The following FSD1L variants were observed in gnomAD, a reference collection of about 807,000 sequenced individuals.
The protein encoded by FSD1L is fibronectin type III and SPRY domain containing 1 like.
A neutral mutation model predicts 71.6 loss-of-function variants in FSD1L; 45 were observed. The observed-to-expected ratio is 0.63, with a 90% CI of 0.49 to 0.81. FSD1L has a LOEUF of 0.81. FSD1L is among the 30% of genes least tolerant of loss of function. FSD1L has a pLI of 0.00. For synonymous variants in FSD1L, 197 were observed against 207.2 expected, an observed-to-expected ratio of 0.95 and a Z score of 0.42; for missense variants, 561 against 618.1, an observed-to-expected ratio of 0.91 and a Z score of 0.98.
chr9:105,444,944 C>G (rs1276458504), upstream of FSD1L, among the ~76,000 whole-genome samples: 2 of 152,218 alleles, frequency 1.3e-5, no homozygotes, highest in African/African-American at 4.8e-5. Context: ...ACAATTTGTA[C>G]TTCATAGAAG....
chr9:105,533,416 C>CTTTTTTTTTTTTTT (rs754896606), intron 10 of FSD1L, among the ~76,000 whole-genome samples: 3,757 of 29,014 alleles, frequency 0.13, 1,524 homozygotes, highest in Non-Finnish European at 0.17. Flanking sequence ...CCATTTCCAT[C>CTTTTTTTTTTTTTT]TTTTTTTTTT....
upstream of FSD1L, among the ~76,000 whole-genome samples, chr9:105,444,173 G>C (rs1421045913): frequency 6.6e-6 from 1 of 152,184 alleles, no homozygotes; most frequent in Non-Finnish European, 1.5e-5. Flanking sequence ...CTGTGCAAGG[G>C]TAAAACAGAA....
intron 7 of FSD1L, among the ~76,000 whole-genome samples, chr9:105,501,929 G>A (rs1479756556): frequency 1.3e-5 from 2 of 151,978 alleles, no homozygotes; most frequent in African/African-American, 4.8e-5. Flanking sequence ...ATCCCTTTGT[G>A]TTAGTTTTGT....
At chr9:105,475,103 T>C (rs989559214) in intron 5 of FSD1L, among the ~76,000 whole-genome samples, 1 of 152,194 alleles carries the variant, frequency 6.6e-6, no homozygotes, top group Non-Finnish European at 1.5e-5. Context: ...TTGGATCCTT[T>C]ACCAAAATTA....
chr9:105,525,642 C>T, intron 10 of FSD1L: 1 of 1,612,002 alleles, frequency 6.2e-7, no homozygotes, highest in Admixed American at 1.7e-5. Flanking sequence ...AACTTAGGAA[C>T]TTGGATTCAA....
At chr9:105,474,098 T>C (rs148701086) in intron 5 of FSD1L, among the ~76,000 whole-genome samples, 71 of 152,290 alleles carry the variant, frequency 4.7e-4, no homozygotes, top group South Asian at 3.5e-3. Context: ...AGTTTCATCA[T>C]TGTGGGAACA....
At chr9:105,516,987 C>T (rs1009505590) in intron 10 of FSD1L, among the ~76,000 whole-genome samples, 3 of 151,964 alleles carry the variant, frequency 2.0e-5, no homozygotes, top group African/African-American at 4.8e-5. Context: ...ATAAATGACC[C>T]GATGGAGCTG....
chr9:105,491,453 A>G (rs970043884), intron 7 of FSD1L, among the ~76,000 whole-genome samples: 19 of 152,146 alleles, frequency 1.2e-4, no homozygotes, highest in African/African-American at 4.6e-4. Flanking sequence ...AACAGGGACA[A>G]TTTGACTTCC....
At position 105,472,179 on chromosome 9, in the gene FSD1L, A is replaced by T. The variant is rs1831521321; in HGVS notation, c.441+174A>T. On this transcript the variant is annotated intron_variant, in intron 5 of 13. Coordinates refer to ENST00000481272, the MANE Select transcript of FSD1L (RefSeq NM_001145313.3). ...ATTTATTCCAAAGCAAACACTTAGA[A>T]GTGTGTGTCTTTAGGGTCATCAACA... The T allele has an allele frequency of 6.8e-6, 5 of 736,718 alleles. No individual in the cohort carries two copies. In the East Asian group the frequency reaches 1.0e-4, roughly 15 times the overall value. The allele number at this position is 736,718 out of a possible 1,614,324, so 45.6% of individuals were successfully genotyped here. A position where few individuals can be genotyped will look rare whatever the true frequency, so the allele number is the denominator to read the frequency against.
rs144126255 is a variant in FSD1L at position 105,534,987 on chromosome 9, T to C, written c.1127-80T>C. ...ACTTGAATAAAAATTTTTGTGTCTT[T>C]TTTTGGGACGAGTGGTAGGTAAAAC... On this transcript the variant is annotated intron_variant, in intron 11 of 13. Coordinates refer to ENST00000481272, the MANE Select transcript of FSD1L (RefSeq NM_001145313.3). 2,497 of 1,429,726 alleles carry C rather than the reference T, an allele frequency of 1.7e-3. 43 individuals carry two copies. In the African/African-American group the frequency reaches 0.032, roughly 18 times the overall value. The allele number at this position is 1,429,726 out of a possible 1,614,324, so 88.6% of individuals were successfully genotyped here.
chr9:105,541,867 T>A (rs1004997302), intron 13 of FSD1L, among the ~76,000 whole-genome samples: 6 of 152,212 alleles, frequency 3.9e-5, no homozygotes, highest in African/African-American at 1.4e-4. Context: ...CAGAACATCG[T>A]ATAAATAGAA....
chr9:105,462,992 G>A (rs1032753978), intron 2 of FSD1L, among the ~76,000 whole-genome samples: 1 of 151,154 alleles, frequency 6.6e-6, no homozygotes, highest in Admixed American at 6.6e-5. Flanking sequence ...GCAAAAATTA[G>A]CTGGGCGTGG....
intron 2 of FSD1L, among the ~76,000 whole-genome samples, chr9:105,463,765 C>T (rs1263042471): frequency 6.6e-6 from 1 of 152,148 alleles, no homozygotes; most frequent in East Asian, 1.9e-4. Context: ...TGTTGTCATT[C>T]TAAATGCACA....
chr9:105,472,463 T>C (rs946230909), intron 5 of FSD1L: 1 of 153,094 alleles, frequency 6.5e-6, no homozygotes, highest in Non-Finnish European at 1.5e-5. Flanking sequence ...GTTTAAGTGA[T>C]TGTAAATTGT....
chr9:105,481,141 C>CTGTGTGTGTGTGTGTGTG (rs376069658), intron 6 of FSD1L, among the ~76,000 whole-genome samples: 1,506 of 81,520 alleles, frequency 0.018, 67 homozygotes, highest in East Asian at 0.076. Context: ...CAGGCAAACT[C>CTGTGTGTGTGTGTGTGTG]TGTGTGTGTG....
In FSD1L at chr9:105,546,600, C is replaced by A; in HGVS notation, c.*117C>A. On this transcript the variant is annotated 3_prime_UTR_variant, in exon 14 of 14. Transcript: ENST00000481272. ...AGGTTTGCTGTGTTCTGCTTTGAGG[C>A]CTGGAATCTTTTATCATTAAACACC... 1 of 1,014,208 alleles carries A rather than the reference C, an allele frequency of 9.9e-7. No homozygotes were observed. The highest frequency in any genetic ancestry group is 1.7e-5 in the African/African-American group (1 of 60,550). The allele number at this position is 1,014,208 out of a possible 1,614,324, so 62.8% of individuals were successfully genotyped here. A position where few individuals can be genotyped will look rare whatever the true frequency, so the allele number is the denominator to read the frequency against.
chr9:105,492,130 G>A (rs1027164519), intron 7 of FSD1L, among the ~76,000 whole-genome samples: 1 of 152,146 alleles, frequency 6.6e-6, no homozygotes, highest in African/African-American at 2.4e-5. Context: ...TCTGGTCCTG[G>A]ACTCTTTTTG....
chr9:105,448,118 G>C lies in FSD1L; in HGVS notation c.-103G>C. 7.9e-7 allele frequency: 1 copy of C among 1,260,190 alleles called. No individual in the cohort carries two copies. The highest frequency in any genetic ancestry group is 2.0e-5 in the Admixed American group (1 of 49,112). The allele number at this position is 1,260,190 out of a possible 1,614,324, so 78.1% of individuals were successfully genotyped here. A position where few individuals can be genotyped will look rare whatever the true frequency, so the allele number is the denominator to read the frequency against. Reference sequence around the variant, plus strand: ...GGGCCGGGCGGTGCCGGTGCGGGCTGGGGCAGTGCAGTGAGTAGCGGTCTT... The same window carrying C: ...GGGCCGGGCGGTGCCGGTGCGGGCTCGGGCAGTGCAGTGAGTAGCGGTCTT... On this transcript the variant is annotated 5_prime_UTR_variant, in exon 1 of 14. Transcript: ENST00000481272.
At chr9:105,485,380 C>A (rs1280432640) in intron 7 of FSD1L, among the ~76,000 whole-genome samples, 4 of 152,096 alleles carry the variant, frequency 2.6e-5, no homozygotes, top group East Asian at 1.9e-4. Context: ...CAAGAACTAA[C>A]CCAGTCTTTT....
Sources: gnomAD v4.1 joint callset for allele counts (sites outside exome capture counted in the v4.1 genomes callset) on GRCh38, gnomAD v4.1.1 for gene constraint, MANE v1.5 for transcripts, NCBI Gene and HGNC (gene_info 2026-07-23, HGNC 2026-07-21) for gene names.